GAS2: variants seen among roughly 807,000 people sequenced by gnomAD.
The protein encoded by GAS2 is growth arrest specific 2.
Under a neutral mutation model 37.5 loss-of-function variants are expected in GAS2, and 20 were observed. The ratio of observed to expected loss-of-function variants is 0.53; its 90% CI spans 0.37 to 0.77. The LOEUF (loss-of-function observed/expected upper bound fraction) is 0.77, where lower values mean the gene tolerates loss of function less well. Ranked by LOEUF, GAS2 falls within the 30% of genes least tolerant of loss-of-function variation. The probability of loss-of-function intolerance (pLI) is 0.00; values close to 1 mark genes in which losing one functional copy is unlikely to be tolerated. For synonymous variants in GAS2, 144 were observed against 132.2 expected (o/e 1.09, Z -0.61); for missense variants, 336 against 373.4 (o/e 0.90, Z 0.82).
intron 7 of GAS2, 136 bp from the exon 8 acceptor site, chr11:22,811,662 G>C: frequency 1.3e-6 from 1 of 790,740 alleles, no homozygotes; most frequent in Non-Finnish European, 2.1e-6. Flanking sequence ...TGCTAACTCA[G>C]ACATTTTGCA....
chr11:22,649,110 A>G (rs1028751766), intron 1 of GAS2, among the ~76,000 whole-genome samples: 2 of 152,010 alleles, frequency 1.3e-5, no homozygotes, highest in African/African-American at 2.4e-5. Context: ...TAATTTATTG[A>G]GAGTTTTTAG....
intron 7 of GAS2, among the ~76,000 whole-genome samples, chr11:22,793,719 G>A (rs927547294): frequency 1.3e-5 from 2 of 152,188 alleles, no homozygotes; most frequent in Non-Finnish European, 2.9e-5. Flanking sequence ...AAAGCTTTGA[G>A]TCCTAATTCA....
intron 1 of GAS2, among the ~76,000 whole-genome samples, chr11:22,651,183 A>C (rs892098555): frequency 1.5e-4 from 23 of 151,352 alleles, no homozygotes; most frequent in African/African-American, 5.3e-4. Context: ...TATGAAGCTT[A>C]GTTTGGCTGG....
intron 5 of GAS2, among the ~76,000 whole-genome samples, chr11:22,743,974 G>A (rs372330797): frequency 4.6e-5 from 7 of 151,908 alleles, no homozygotes; most frequent in East Asian, 1.9e-4. Flanking sequence ...GATTGATCCC[G>A]AAGAAATACA....
At chr11:22,640,643 G>A (rs1253800342) in intron 1 of GAS2, among the ~76,000 whole-genome samples, 1 of 152,080 alleles carries the variant, frequency 6.6e-6, no homozygotes, top group African/African-American at 2.4e-5. Flanking sequence ...CATGAAGCAA[G>A]CTTAATTTCT....
At chr11:22,675,105 G>T (rs1223358806) in intron 2 of GAS2, 91 bp downstream of exon 2, 8 of 1,247,126 alleles carry the variant, frequency 6.4e-6, no homozygotes, top group Non-Finnish European at 8.7e-6. Flanking sequence ...GCATGTGATA[G>T]CACCTTGGAA....
chr11:22,723,141 C>T (rs1404459014), intron 3 of GAS2, among the ~76,000 whole-genome samples: 2 of 151,834 alleles, frequency 1.3e-5, no homozygotes, highest in Non-Finnish European at 1.5e-5. Context: ...TACTATTTCC[C>T]AGTCTTCAGC....
intron 3 of GAS2, among the ~76,000 whole-genome samples, chr11:22,690,022 C>T (rs1850162080): frequency 6.6e-6 from 1 of 152,170 alleles, no homozygotes; most frequent in South Asian, 2.1e-4. Context: ...AGCCATGCCA[C>T]AGGAAGCTCT....
intron 3 of GAS2, among the ~76,000 whole-genome samples, chr11:22,709,617 T>C (rs554206408): frequency 4.6e-5 from 7 of 152,266 alleles, no homozygotes; most frequent in Admixed American, 4.6e-4. Flanking sequence ...TCCTCAGGGA[T>C]CTAGAACTAG....
At chr11:22,802,942 G>A (rs781751894) in intron 7 of GAS2, among the ~76,000 whole-genome samples, 5 of 152,054 alleles carry the variant, frequency 3.3e-5, no homozygotes, top group Admixed American at 1.3e-4. Flanking sequence ...TTTGTAGCCT[G>A]GAAGCAACAG....
intron 7 of GAS2, among the ~76,000 whole-genome samples, chr11:22,756,746 T>C (rs191813176): frequency 6.6e-6 from 1 of 152,286 alleles, no homozygotes; most frequent in East Asian, 1.9e-4. Context: ...CATTTACTAA[T>C]ATATTTCTTA....
In GAS2 at chr11:22,628,996, GGTAT is replaced by G. The variant is rs553357512; in HGVS notation, c.-21+3186_-21+3189del. Among the ~76,000 whole-genome samples, 9 of 13,416 alleles carry G rather than the reference GGTAT, an allele frequency of 6.7e-4. No homozygotes were observed. In the East Asian group the frequency reaches 8.6e-3, roughly 13 times the overall value. The allele number at this position is 13,416 out of a possible 152,430, so 8.8% of individuals were successfully genotyped here. On this transcript the variant is annotated intron_variant, in intron 1 of 5. Transcript: ENST00000528582. Reference sequence around the variant, plus strand: ...TTTTTATGGCTGAGTAGTATTCCATGGTATGTGTGTGTGTGTGTGTATGTATGTA... The same window carrying G: ...TTTTTATGGCTGAGTAGTATTCCATGGTGTGTGTGTGTGTGTATGTATGTA...
intron 1 of GAS2, among the ~76,000 whole-genome samples, chr11:22,653,019 CTTTCTTTCTTTCTTTCTCTTTCTTT>C (rs2133835525): frequency 6.8e-6 from 1 of 146,358 alleles, no homozygotes; most frequent in Admixed American, 6.9e-5. Flanking sequence ...TTCTTTCTTT[CTTTCTTTCTTTCTTTCTCTTTCTTT>C]CTTTCTTTGC....
At chr11:22,778,406 C>T (rs899611167) in intron 7 of GAS2, among the ~76,000 whole-genome samples, 21 of 152,114 alleles carry the variant, frequency 1.4e-4, no homozygotes, top group African/African-American at 5.1e-4. Flanking sequence ...AGCAAATATA[C>T]AGGTAATTTT....
intron 3 of GAS2, among the ~76,000 whole-genome samples, chr11:22,713,877 T>A (rs1851532113): frequency 6.6e-6 from 1 of 151,970 alleles, no homozygotes; most frequent in Admixed American, 6.6e-5. Context: ...AACAAAACCT[T>A]GAAATACACA....
intron 1 of GAS2, among the ~76,000 whole-genome samples, chr11:22,658,795 ATCTCC>A (rs1251451989): frequency 6.6e-6 from 1 of 152,206 alleles, no homozygotes; most frequent in Non-Finnish European, 1.5e-5. Flanking sequence ...CCTGACTTTT[ATCTCC>A]TCTCCTCTCA....
intron 1 of GAS2, among the ~76,000 whole-genome samples, chr11:22,629,503 C>T (rs1858715422): frequency 6.6e-6 from 1 of 152,186 alleles, no homozygotes; most frequent in Admixed American, 6.5e-5. Context: ...ACCATTCTGG[C>T]TGGGGTAAGG....
At chr11:22,683,588 G>A (rs1849799183) in intron 2 of GAS2, among the ~76,000 whole-genome samples, 1 of 151,964 alleles carries the variant, frequency 6.6e-6, no homozygotes, top group African/African-American at 2.4e-5. Flanking sequence ...TAAGGTTCAT[G>A]GAATTGAACT....
intron 2 of GAS2, 106 bp from the exon 3 acceptor site, chr11:22,685,562 C>T (rs1430048392): frequency 4.9e-6 from 6 of 1,217,466 alleles, no homozygotes; most frequent in Non-Finnish European, 2.3e-6. Context: ...AGTTATGTAA[C>T]TCAGCTAGAA....
Sources: allele counts gnomAD v4.1 joint callset (sites outside exome capture counted in the v4.1 genomes callset), GRCh38; gene constraint gnomAD v4.1.1; transcripts MANE v1.5; gene names NCBI Gene and HGNC (gene_info 2026-07-23, HGNC 2026-07-21).